The following RANBP3 variants were observed in gnomAD, a reference collection of about 807,000 sequenced individuals.
The protein encoded by RANBP3 is ran-binding protein 3.
RANBP3 carries 14 observed loss-of-function variants against 77.3 expected under a neutral mutation model. The ratio of observed to expected loss-of-function variants is 0.18; its 90% CI spans 0.12 to 0.28. RANBP3 has a LOEUF of 0.28. Among genes scored for constraint, RANBP3 ranks in the 10% least tolerant of loss-of-function variants. The pLI is 1.00. For missense variants in RANBP3, 586 were observed against 752.3 expected (o/e 0.78, Z 2.59); for synonymous variants, 315 against 312.4 (o/e 1.01, Z -0.09).
At chr19:5,922,263 C>T (rs533392343) in intron 13 of RANBP3, among the ~76,000 whole-genome samples, 36 of 152,268 alleles carry the variant, frequency 2.4e-4, no homozygotes, top group Non-Finnish European at 3.4e-4. Context: ...AAGAAAAATA[C>T]GAGACAGACA....
intron 1 of RANBP3, among the ~76,000 whole-genome samples, chr19:5,962,489 C>T (rs1010926510): frequency 6.6e-6 from 1 of 152,128 alleles, no homozygotes; most frequent in African/African-American, 2.4e-5. Context: ...GGCACTCAAC[C>T]GGCAGTTAGA....
intron 1 of RANBP3, among the ~76,000 whole-genome samples, chr19:5,977,257 A>G (rs2145310680): frequency 6.6e-6 from 1 of 152,144 alleles, no homozygotes; most frequent in East Asian, 1.9e-4. Context: ...AGCGATGGCA[A>G]CACGACTATG....
At chr19:5,930,324 G>T (rs968794069) in intron 8 of RANBP3, among the ~76,000 whole-genome samples, 4 of 152,246 alleles carry the variant, frequency 2.6e-5, no homozygotes, top group Admixed American at 2.6e-4. Context: ...CACCCTTTGA[G>T]CCAGAACATC....
chr19:5,962,416 G>A (rs1005986818), intron 1 of RANBP3, among the ~76,000 whole-genome samples: 1 of 151,678 alleles, frequency 6.6e-6, no homozygotes, highest in South Asian at 2.1e-4. Flanking sequence ...TAGAAAGTGG[G>A]GCCTCGTCTG....
In RANBP3 at chr19:5,933,498, A is replaced by G. The variant is rs1422125348; in HGVS notation, c.407-19T>C. On this transcript the variant is annotated intron_variant, in intron 5 of 16. Coordinates refer to ENST00000340578, the MANE Select transcript of RANBP3 (RefSeq NM_007322.3). ...CTTTCCTCTAAAAGCACAAGACAAA[A>G]TATCAACAGCAGGCCTGCCTGGGCT... The G allele has an allele frequency of 2.5e-6, 4 of 1,610,816 alleles. No individual in the cohort carries two copies. The highest frequency in any genetic ancestry group is 1.1e-5 in the South Asian group (1 of 90,774).
intron 1 of RANBP3, among the ~76,000 whole-genome samples, chr19:5,962,212 A>G (rs1341923246): frequency 1.3e-5 from 2 of 152,132 alleles, no homozygotes; most frequent in African/African-American, 4.8e-5. Context: ...GTACTCACAA[A>G]TATTTACTAA....
Position 5,933,410 on chromosome 19 carries a change from C to T in RANBP3, c.472+4G>A, listed in dbSNP as rs779679177. 2 of 1,609,660 alleles carry T rather than the reference C, an allele frequency of 1.2e-6. No individual in the cohort carries two copies. Among genetic ancestry groups the T allele is most frequent in the East Asian group, 2.2e-5 (1 of 44,530 alleles). The stretch of plus-strand genomic sequence containing the variant: ...CCCCCGCCCCAGGGAGGTAGACGAC[C>T]TACCTGCGCTGGGGGCTTGGCCGTG... On this transcript the variant is annotated splice_donor_region_variant and intron_variant, in intron 6 of 16. Transcript: ENST00000340578.
chr19:5,951,496 T>C lies in RANBP3; in HGVS notation c.179A>G (p.Glu60Gly), dbSNP rs1428846327. 1.2e-6 allele frequency: 2 copies of C among 1,611,172 alleles called. No homozygotes were observed. Among genetic ancestry groups the C allele is most frequent in the Non-Finnish European group, 1.7e-6 (2 of 1,178,364 alleles). The part of the protein sequence containing the change: ...HGTGHPESAG[E>G]HALEPPAPAG... Reference sequence around the variant, plus strand: ...AGGGGCAGGAGGTTCTAGGGCATGCTCGCCAGCTGACTCGGGGTGACCCGT... The same window carrying C: ...AGGGGCAGGAGGTTCTAGGGCATGCCCGCCAGCTGACTCGGGGTGACCCGT... Residue 60 changes from glutamate (E) to glycine (G), a missense_variant, in exon 3 of 17, where the codon GAG (glutamate) becomes GGG (glycine). Around this residue, in one of 5 missense-constraint regions of RANBP3, gnomAD observed 172 missense variants for 183.4 expected, o/e 0.94. Transcript: ENST00000340578.
In RANBP3 at chr19:5,921,440, G is replaced by T; in HGVS notation, c.1210-119C>A. The T allele has an allele frequency of 7.4e-7, 1 of 1,353,418 alleles. No homozygotes were observed. The highest frequency in any genetic ancestry group is 1.0e-6 in the Non-Finnish European group (1 of 992,756). 83.8% of individuals were successfully genotyped at this position (1,353,418 alleles called of 1,614,324 possible). On this transcript the variant is annotated intron_variant, in intron 13 of 16. Transcript: ENST00000340578. The surrounding 1 kb of genome is among the most constrained non-coding windows in gnomAD (Gnocchi z 5.3). ...CAGGGCCAGCCAACGACGGCCTGGG[G>T]GCCACCTTGGTCAGTTTTTTGTCCT...
rs879034978 is a variant in RANBP3 at position 5,918,071 on chromosome 19, G to C, written c.1474-91C>G. On this transcript the variant is annotated intron_variant, in intron 15 of 16. Transcript: ENST00000340578. ...CACAAGTGCCAAGTCCCAAGGTTCAGAGGTGACACTGCCACAAGGCCTTGT... is the reference window on the plus strand; with the variant it reads ...CACAAGTGCCAAGTCCCAAGGTTCACAGGTGACACTGCCACAAGGCCTTGT... 33 of 1,385,974 alleles carry C rather than the reference G, an allele frequency of 2.4e-5. 1 individual carries two copies. In the South Asian group the frequency reaches 4.4e-4, roughly 19 times the overall value. 85.9% of individuals were successfully genotyped at this position (1,385,974 alleles called of 1,614,324 possible).
intron 1 of RANBP3, among the ~76,000 whole-genome samples, chr19:5,977,207 G>T (rs540692408): frequency 2.0e-5 from 3 of 152,230 alleles, no homozygotes; most frequent in Admixed American, 6.5e-5. Flanking sequence ...ACTAGAAAAG[G>T]GGGGGAGCTA....
At chr19:5,957,801 G>C in intron 2 of RANBP3, 117 bp downstream of exon 2, 1 of 1,090,196 alleles carries the variant, frequency 9.2e-7, no homozygotes, top group Non-Finnish European at 1.4e-6. Flanking sequence ...CCTCTGCTTA[G>C]GTCTCCCCGT....
intron 1 of RANBP3, among the ~76,000 whole-genome samples, chr19:5,974,731 T>G (rs570514760): frequency 3.3e-5 from 5 of 152,148 alleles, no homozygotes; most frequent in Non-Finnish European, 7.3e-5. Flanking sequence ...GTCTCAACCC[T>G]GCCTGCACAT....
chr19:5,953,158 G>C (rs1281234992), intron 2 of RANBP3, among the ~76,000 whole-genome samples: 3 of 152,200 alleles, frequency 2.0e-5, no homozygotes, highest in Admixed American at 1.3e-4. Flanking sequence ...TGGTTAAGAT[G>C]AATGATTTGT....
chr19:5,951,247 C>A, intron 3 of RANBP3, 146 bp downstream of exon 3: 1 of 814,740 alleles, frequency 1.2e-6, no homozygotes, highest in African/African-American at 1.7e-5. Context: ...TTAAAGCGAG[C>A]TGGAAGAAAT....
At chr19:5,946,140 T>C (rs186543935) in intron 3 of RANBP3, among the ~76,000 whole-genome samples, 1 of 152,306 alleles carries the variant, frequency 6.6e-6, no homozygotes, top group East Asian at 1.9e-4. Context: ...GCACCACCTC[T>C]AGGGTAAGTT....
chr19:5,961,403 T>C (rs927707534), intron 1 of RANBP3, among the ~76,000 whole-genome samples: 1 of 139,218 alleles, frequency 7.2e-6, no homozygotes, highest in African/African-American at 2.7e-5. Context: ...AGAGCGAGAT[T>C]CCATCTCAAA....
chr19:5,970,138 A>T (rs1297049747), intron 1 of RANBP3, among the ~76,000 whole-genome samples: 1 of 152,154 alleles, frequency 6.6e-6, no homozygotes, highest in African/African-American at 2.4e-5. Context: ...CCAACATCCT[A>T]GGAGGCTCAG....
At chr19:5,932,780 G>A (rs2058011441) in intron 6 of RANBP3, 1 of 543,084 alleles carries the variant, frequency 1.8e-6, no homozygotes. Flanking sequence ...AATTAATCCA[G>A]TTAGCACAGT....
Sources: allele counts gnomAD v4.1 joint callset (sites outside exome capture counted in the v4.1 genomes callset), GRCh38; gene constraint gnomAD v4.1.1; regional missense constraint gnomAD v4.1.1; non-coding constraint Gnocchi (gnomAD v3.1); transcripts MANE v1.5; gene names NCBI Gene and HGNC (gene_info 2026-07-23, HGNC 2026-07-21).